The following DST variants were observed in gnomAD, a reference collection of about 807,000 sequenced individuals.
DST encodes dystonin, also known as bullous pemphigoid antigen.
Under a neutral mutation model 875.2 loss-of-function variants are expected in DST, and 253 were observed. The ratio of observed to expected loss-of-function variants is 0.29; its 90% CI spans 0.26 to 0.32. DST has a LOEUF of 0.32. Ranked by LOEUF, DST falls within the 10% of genes least tolerant of loss-of-function variation. DST has a pLI of 1.00. For missense variants in DST, 8,287 were observed against 9,111.6 expected, an observed-to-expected ratio of 0.91 and a Z score of 3.68; for synonymous variants, 3,124 against 3,197.1, an observed-to-expected ratio of 0.98 and a Z score of 0.77.
intron 5 of DST, among the ~76,000 whole-genome samples, chr6:56,732,740 A>C (rs925923369): frequency 6.6e-6 from 1 of 152,224 alleles, no homozygotes; most frequent in Non-Finnish European, 1.5e-5. Flanking sequence ...AGTCACAAAA[A>C]TTAGCAAATA....
rs1028376097 is a variant in DST at position 56,615,831 on chromosome 6, T to C, written c.4930-1347A>G. Reference sequence around the variant, plus strand: ...CGGATTCCCATTTCCTTATTTATAATATTTGCATTCACAGCTTCCACCACT... The same window carrying C: ...CGGATTCCCATTTCCTTATTTATAACATTTGCATTCACAGCTTCCACCACT... On this transcript the variant is annotated intron_variant, in intron 36 of 103. Transcript: ENST00000680361. 6.2e-7 allele frequency: 1 copy of C among 1,614,178 alleles called. No individual in the cohort carries two copies. Among genetic ancestry groups the C allele is most frequent in the Non-Finnish European group, 8.5e-7 (1 of 1,180,034 alleles).
chr6:56,485,175 A>G, intron 88 of DST, 137 bp downstream of exon 88: 1 of 932,630 alleles, frequency 1.1e-6, no homozygotes, highest in Non-Finnish European at 1.6e-6. Context: ...AAACGGACAC[A>G]TATTTCAACA....
chr6:56,611,299 G>T (rs1050973609), intron 38 of DST, among the ~76,000 whole-genome samples: 2 of 151,942 alleles, frequency 1.3e-5, no homozygotes, highest in African/African-American at 4.8e-5. Flanking sequence ...GTAATACATG[G>T]GGATAATAAG....
chr6:56,627,987 AT>A lies in DST; in HGVS notation c.4638+11del. The stretch of plus-strand genomic sequence containing the variant: ...AGACATAACCTCAGTAGAGGGAATT[AT>A]TTTTACATACCTTCTGTTGATTCAA... On this transcript the variant is annotated intron_variant, in intron 33 of 103. Coordinates refer to ENST00000680361, the MANE Select transcript of DST (RefSeq NM_001374736.1). The A allele has an allele frequency of 3.1e-6, 5 of 1,613,088 alleles. No homozygotes were observed. The highest frequency in any genetic ancestry group is 4.2e-6 in the Non-Finnish European group (5 of 1,179,158).
chr6:56,606,376 T>C lies in DST; in HGVS notation c.8252A>G (p.Glu2751Gly). The change falls in exon 40 of 104, where the codon GAG (glutamate) becomes GGG (glycine). Residue 2751 changes from glutamate (E) to glycine (G), a missense_variant. Glu to Gly is a moderately conservative substitution (Grantham distance 98, BLOSUM62 -2). Around this residue, in one of 10 missense-constraint regions of DST, gnomAD observed 3,138 missense variants for 3,116.6 expected, o/e 1.01. Transcript: ENST00000680361. ...AAATTTTAATGATGCAGTGAAGCTC[T>C]CTTTTCCTCCTACAATATCATAATC... The part of the protein sequence containing the change: ...LTDYDIVGGK[E>G]SFTASLKFDD... The C allele has an allele frequency of 6.2e-7, 1 of 1,613,384 alleles. No homozygotes were observed. The highest frequency in any genetic ancestry group is 8.5e-7 in the Non-Finnish European group (1 of 1,179,582).
intron 9 of DST, among the ~76,000 whole-genome samples, chr6:56,695,766 A>G (rs895119305): frequency 6.6e-6 from 1 of 152,222 alleles, no homozygotes; most frequent in African/African-American, 2.4e-5. Context: ...TACCTTCAGA[A>G]AGCCTGACTG....
intron 4 of DST, among the ~76,000 whole-genome samples, chr6:56,740,911 A>G (rs1175412213): frequency 6.6e-6 from 1 of 152,118 alleles, no homozygotes; most frequent in Non-Finnish European, 1.5e-5. Flanking sequence ...AAAAAAAATT[A>G]ATAATATATT....
At chr6:56,843,274 G>A in intron 4 of DST, 1 of 1,253,596 alleles carries the variant, frequency 8.0e-7, no homozygotes, top group Non-Finnish European at 1.0e-6. Flanking sequence ...CTGGGGAGAA[G>A]CACGGAAGCC....
chr6:56,744,351 A>G (rs2099562591), intron 4 of DST, among the ~76,000 whole-genome samples: 1 of 150,562 alleles, frequency 6.6e-6, no homozygotes. Flanking sequence ...TAAAAGATGG[A>G]GAAAAACTTT....
rs1562150808 is a variant in DST at position 56,463,577 on chromosome 6, G to A, written c.22947C>T (p.Thr7649=). ...AQAASPQVPA[T]TTPKILHPLT... is the part of the protein sequence containing the mutation. ...TCCTGAGTCTTACCTTGGGTGTGGT[G>A]GTGGCAGGGACCTGTGGGGAGGCCG... Residue 7649 remains threonine, a synonymous_variant, in exon 101 of 104, where the codon ACC becomes ACT. Coordinates refer to ENST00000680361, the MANE Select transcript of DST (RefSeq NM_001374736.1). 1.3e-6 allele frequency: 2 copies of A among 1,589,054 alleles called. No individual in the cohort carries two copies. The highest frequency in any genetic ancestry group is 1.7e-6 in the Non-Finnish European group (2 of 1,166,036).
rs1293281485 is a variant in DST, at chr6:56,630,532, C to G, written c.4143-149G>C. 5 of 771,206 alleles carry G rather than the reference C, an allele frequency of 6.5e-6. No homozygotes were observed. The Admixed American group carries it at 9.2e-5, about 14-fold the overall frequency. The allele number at this position is 771,206 out of a possible 1,614,324, so 47.8% of individuals were successfully genotyped here. On this transcript the variant is annotated intron_variant, in intron 30 of 103. Coordinates refer to ENST00000680361, the MANE Select transcript of DST (RefSeq NM_001374736.1). The stretch of plus-strand genomic sequence containing the variant: ...TACTATGAAACTGACATTTTTCTGG[C>G]TTTCTTCTTAATAGAGAGTATGTGC...
intron 12 of DST, among the ~76,000 whole-genome samples, chr6:56,650,603 A>C (rs1421024365): frequency 6.6e-6 from 1 of 152,234 alleles, no homozygotes; most frequent in East Asian, 1.9e-4. Flanking sequence ...AAGAATAGCA[A>C]ATACAGCAAT....
At chr6:56,483,888 CACAA>C (rs1440137032) in intron 88 of DST, 1 of 152,080 alleles carries the variant, frequency 6.6e-6, no homozygotes, top group Non-Finnish European at 1.5e-5. Flanking sequence ...TGCAGAAAGA[CACAA>C]ACACACACGT....
chr6:56,551,743 T>C (rs974083393), intron 61 of DST, among the ~76,000 whole-genome samples: 1 of 152,168 alleles, frequency 6.6e-6, no homozygotes, highest in African/African-American at 2.4e-5. Context: ...AAGAAAAATG[T>C]CTGTGGAAGA....
In DST at chr6:56,594,039, G is replaced by C. The variant is rs767353719; in HGVS notation, c.12350C>G (p.Thr4117Ser). 1.2e-6 allele frequency: 2 copies of C among 1,613,636 alleles called. No individual in the cohort carries two copies. Among genetic ancestry groups the C allele is most frequent in the African/African-American group, 2.7e-5 (2 of 74,886 alleles). Reference sequence around the variant, plus strand: ...TTTCTTCTCTGACTCAGCCAGTGCAGTTTCATAATGCACTTTCAGTTCCTT... The same window carrying C: ...TTTCTTCTCTGACTCAGCCAGTGCACTTTCATAATGCACTTTCAGTTCCTT... The part of the protein sequence containing the change: ...NMKELKVHYE[T>S]ALAESEKKMK... The change falls in exon 48 of 104, where the codon ACT (threonine) becomes AGT (serine). Residue 4117 changes from threonine to serine, a missense_variant. This residue lies in a region of DST where 1,513 missense variants were observed against 1,677.8 expected (regional missense o/e 0.90). Coordinates refer to ENST00000680361, the MANE Select transcript of DST (RefSeq NM_001374736.1).
rs74497995 is a variant in DST, at chr6:56,860,147, G to A, written c.418-8543C>T. 2.7e-3 allele frequency among the ~76,000 whole-genome samples: 410 copies of A among 152,286 alleles called. 2 individuals carry two copies. Among genetic ancestry groups the A allele is most frequent in the Middle Eastern group, 0.014 (4 of 294 alleles). On this transcript the variant is annotated intron_variant, in intron 3 of 103. Transcript: ENST00000680361. ...GGTTTCCCCTTTAAAGAAAGGACAC[G>A]TAAAGGACCTGTGCTTTCCAGTCTG...
intron 36 of DST, chr6:56,620,634 T>C: frequency 6.2e-7 from 1 of 1,614,206 alleles, no homozygotes; most frequent in Non-Finnish European, 8.5e-7. Context: ...GTAAGTTTGC[T>C]ATTCTCAAGC....
intron 3 of DST, among the ~76,000 whole-genome samples, chr6:56,876,415 A>G (rs1779653302): frequency 6.6e-6 from 1 of 152,118 alleles, no homozygotes; most frequent in African/African-American, 2.4e-5. Flanking sequence ...CTGTAATCCA[A>G]AAATGTGACC....
intron 86 of DST, among the ~76,000 whole-genome samples, 186 bp downstream of exon 86, chr6:56,489,304 T>G (rs536019355): frequency 2.0e-5 from 3 of 152,324 alleles, no homozygotes; most frequent in Admixed American, 2.0e-4. Flanking sequence ...AGTGAAATGG[T>G]CACTGAAGAG....
Sources: allele counts gnomAD v4.1 joint callset (sites outside exome capture counted in the v4.1 genomes callset), GRCh38; gene constraint gnomAD v4.1.1; regional missense constraint gnomAD v4.1.1; transcripts MANE v1.5; gene names NCBI Gene and HGNC (gene_info 2026-07-23, HGNC 2026-07-21).